Variants in ADAMTS2 observed in about 807,000 individuals in gnomAD.
ADAMTS2 encodes A disintegrin and metalloproteinase with thrombospondin motifs 2.
Under a neutral mutation model 123.0 loss-of-function variants are expected in ADAMTS2, and 50 were observed. The observed-to-expected ratio is 0.41, with a 90% CI of 0.32 to 0.51. The LOEUF is 0.51. Ranked by LOEUF, ADAMTS2 falls within the 20% of genes least tolerant of loss-of-function variation. The pLI is 0.35. For missense variants in ADAMTS2, 1,494 were observed against 1,705.2 expected, an observed-to-expected ratio of 0.88 and a Z score of 2.18; for synonymous variants, 678 against 695.4, an observed-to-expected ratio of 0.98 and a Z score of 0.39.
At chr5:179,300,478 A>G (rs1281254238) in intron 2 of ADAMTS2, among the ~76,000 whole-genome samples, 3 of 152,352 alleles carry the variant, frequency 2.0e-5, no homozygotes, top group East Asian at 1.9e-4. Context: ...ATTGTAAACA[A>G]TGGAAAACTA....
chr5:179,298,357 C>T (rs774641338), intron 2 of ADAMTS2, among the ~76,000 whole-genome samples: 2 of 152,018 alleles, frequency 1.3e-5, no homozygotes, highest in Non-Finnish European at 2.9e-5. Context: ...GTGGGGACCC[C>T]GTTAATGGGA....
At chr5:179,247,370 G>C (rs897786578) in intron 3 of ADAMTS2, among the ~76,000 whole-genome samples, 5 of 151,816 alleles carry the variant, frequency 3.3e-5, no homozygotes, top group African/African-American at 1.2e-4. Context: ...TGAGGAAAAA[G>C]GAACAGAACC....
rs199836817 is a variant in ADAMTS2, at chr5:179,243,745, A to G, written c.688+29166T>C. ...TCAGATTTTGCAGCAAAGATTTCAAAGCAGCCATTGGAAATATGTCTTTGA... is the reference window on the plus strand; with the variant it reads ...TCAGATTTTGCAGCAAAGATTTCAAGGCAGCCATTGGAAATATGTCTTTGA... On this transcript the variant is annotated intron_variant, in intron 3 of 21. Transcript: ENST00000251582. Among the ~76,000 whole-genome samples, 27 of 152,360 alleles carry G rather than the reference A, an allele frequency of 1.8e-4. No individual in the cohort carries two copies. In the East Asian group the frequency reaches 5.0e-3, roughly 28 times the overall value.
At chr5:179,215,417 C>T (rs1764959719) in intron 3 of ADAMTS2, among the ~76,000 whole-genome samples, 2 of 152,172 alleles carry the variant, frequency 1.3e-5, no homozygotes, top group Admixed American at 6.5e-5. Context: ...CATTGCACTC[C>T]AGCCTGAGCA....
intron 2 of ADAMTS2, among the ~76,000 whole-genome samples, chr5:179,333,685 C>T (rs1757537808): frequency 1.3e-5 from 2 of 150,382 alleles, no homozygotes; most frequent in Admixed American, 6.7e-5. Context: ...CTGCAAGCTC[C>T]GCCTCCTGGG....
rs566872421 is a variant in ADAMTS2, at chr5:179,206,367, G to T, written c.891+1146C>A. Among the ~76,000 whole-genome samples, 218 of 152,152 alleles carry T rather than the reference G, an allele frequency of 1.4e-3. 2 individuals carry two copies. Among genetic ancestry groups the T allele is most frequent in the Non-Finnish European group, 5.0e-4 (34 of 68,012 alleles). On this transcript the variant is annotated intron_variant, in intron 4 of 21. Transcript: ENST00000251582. ...TGGCTCCTGGAGGGGCTCACCCCTG[G>T]TCCGAAAAGCAGAGCTGGGCAGCAG...
rs1756928228 is a variant in ADAMTS2 at position 179,314,546 on chromosome 5, G to C, written c.534+29221C>G. Among the ~76,000 whole-genome samples the C allele has an allele frequency of 1.3e-5, 2 of 152,124 alleles. No homozygotes were observed. The highest frequency in any genetic ancestry group is 1.3e-4 in the Admixed American group (2 of 15,280). ...TCCCACCCACAGCGCTCCTGCCTCT[G>C]CAGCCCCCCGGGCCGTGTCTCTCTC... On this transcript the variant is annotated intron_variant, in intron 2 of 21. Transcript: ENST00000251582. The surrounding 1 kb of genome is among the most constrained non-coding windows in gnomAD (Gnocchi z 4.5).
chr5:179,228,111 A>G lies in ADAMTS2; in HGVS notation c.689-20396T>C, dbSNP rs557350060. ...TTTCTGTGGGGACACAAGGACAGAC[A>G]CCCATGAGACACTCAGGCAGGAGTG... is the stretch of plus-strand genomic sequence containing the variant. On this transcript the variant is annotated intron_variant, in intron 3 of 21. Transcript: ENST00000251582. The surrounding 1 kb of genome is among the most constrained non-coding windows in gnomAD (Gnocchi z 5.2). 2.0e-5 allele frequency among the ~76,000 whole-genome samples: 3 copies of G among 152,124 alleles called. No individual in the cohort carries two copies. The highest frequency in any genetic ancestry group is 4.4e-5 in the Non-Finnish European group (3 of 68,006).
intron 11 of ADAMTS2, among the ~76,000 whole-genome samples, chr5:179,138,560 A>G (rs915527859): frequency 2.6e-5 from 4 of 152,218 alleles, no homozygotes; most frequent in Non-Finnish European, 5.9e-5. Flanking sequence ...CTGCCTCTTG[A>G]GGTTCTAAAT....
chr5:179,226,829 C>G (rs457954), intron 3 of ADAMTS2, among the ~76,000 whole-genome samples: 35,659 of 152,162 alleles, frequency 0.23, 5,002 homozygotes, highest in East Asian at 0.6. Context: ...AGGATATCCA[C>G]GGCTGCATTA....
Position 179,256,643 on chromosome 5 carries a change from G to A in ADAMTS2, c.688+16268C>T. On this transcript the variant is annotated intron_variant, in intron 3 of 21. Transcript: ENST00000251582. This position sits in a 1 kb window ranked among gnomAD's most constrained non-coding sequence, Gnocchi z 4.1. ...CAGGCAGGCGGGGCCAGCATGAGTGGGGGGGCCAGGCACGAATCGGCAGGG... is the reference window on the plus strand; with the variant it reads ...CAGGCAGGCGGGGCCAGCATGAGTGAGGGGGCCAGGCACGAATCGGCAGGG... 6.7e-6 allele frequency among the ~76,000 whole-genome samples: 1 copy of A among 150,236 alleles called. No homozygotes were observed. Among genetic ancestry groups the A allele is most frequent in the African/African-American group, 2.5e-5 (1 of 39,760 alleles).
At chr5:179,173,388 T>C (rs1246850189) in intron 5 of ADAMTS2, among the ~76,000 whole-genome samples, 1 of 152,204 alleles carries the variant, frequency 6.6e-6, no homozygotes, top group Non-Finnish European at 1.5e-5. Flanking sequence ...AATATATTTG[T>C]ACACCAAATT....
At chr5:179,229,409 G>A (rs1367424109) in intron 3 of ADAMTS2, among the ~76,000 whole-genome samples, 4 of 56,002 alleles carry the variant, frequency 7.1e-5, no homozygotes, top group African/African-American at 4.4e-4. Context: ...CCACAAACAC[G>A]AGACCCCGCT....
chr5:179,204,195 G>C (rs1004943921), intron 4 of ADAMTS2, among the ~76,000 whole-genome samples: 2 of 152,138 alleles, frequency 1.3e-5, no homozygotes, highest in Non-Finnish European at 2.9e-5. Flanking sequence ...TCGGGGGGAG[G>C]GGAGGAAAGG....
In ADAMTS2 at chr5:179,300,995, C is replaced by T. The variant is rs575447571; in HGVS notation, c.535-27931G>A. ...ACTGAGCACAAGCCCCAAACACAGG[C>T]TTCCCCAGTCTGGAGCCGGCGGCCA... On this transcript the variant is annotated intron_variant, in intron 2 of 21. Transcript: ENST00000251582. 8.1e-4 allele frequency among the ~76,000 whole-genome samples: 123 copies of T among 152,206 alleles called. No homozygotes were observed. The South Asian group carries it at 0.017, about 21-fold the overall frequency.
chr5:179,232,962 G>C (rs1296376543), intron 3 of ADAMTS2, among the ~76,000 whole-genome samples: 1 of 152,098 alleles, frequency 6.6e-6, no homozygotes, highest in Non-Finnish European at 1.5e-5. Context: ...CTGGAGAATG[G>C]AAGCACATGA....
Position 179,113,440 on chromosome 5 carries a change from A to T in ADAMTS2, c.*427T>A. 1 of 248,542 alleles carries T rather than the reference A, an allele frequency of 4.0e-6. No individual in the cohort carries two copies. The highest frequency in any genetic ancestry group is 5.4e-5 in the South Asian group (1 of 18,510). 15.4% of individuals were successfully genotyped at this position (248,542 alleles called of 1,614,324 possible). On this transcript the variant is annotated 3_prime_UTR_variant, in exon 22 of 22. Transcript: ENST00000251582. ...TCGGCAACGGGTCAGTTATTCAGTA[A>T]ATCACCATTTCTCCTAAGAGTCCCA...
At chr5:179,179,909 G>A (rs897390926) in intron 5 of ADAMTS2, among the ~76,000 whole-genome samples, 1 of 152,164 alleles carries the variant, frequency 6.6e-6, no homozygotes, top group Non-Finnish European at 1.5e-5. Context: ...ATAATTATCT[G>A]ATGTATTTGA....
chr5:179,270,357 G>C (rs569468500), intron 3 of ADAMTS2, among the ~76,000 whole-genome samples: 1 of 152,202 alleles, frequency 6.6e-6, no homozygotes, highest in East Asian at 1.9e-4. Flanking sequence ...CACCTTCCCC[G>C]GCAGAACATA....
Sources: gnomAD v4.1 joint callset for allele counts (sites outside exome capture counted in the v4.1 genomes callset) on GRCh38, gnomAD v4.1.1 for gene constraint, Gnocchi (gnomAD v3.1) non-coding constraint, MANE v1.5 for transcripts, NCBI Gene and HGNC (gene_info 2026-07-23, HGNC 2026-07-21) for gene names.